ACIN1: variants seen among roughly 807,000 people sequenced by gnomAD.
The protein encoded by ACIN1 is apoptotic chromatin condensation inducer 1.
ACIN1 carries 16 observed loss-of-function variants against 146.6 expected under a neutral mutation model. The ratio of observed to expected loss-of-function variants is 0.11; its 90% CI spans 0.07 to 0.17. The LOEUF is 0.17. Ranked by LOEUF, ACIN1 falls within the 10% of genes least tolerant of loss-of-function variation. The probability of loss-of-function intolerance (pLI) is 1.00; values close to 1 mark genes in which losing one functional copy is unlikely to be tolerated. For missense variants in ACIN1, 1,357 were observed against 1,609.3 expected (o/e 0.84, Z 2.68); for synonymous variants, 569 against 582.7 (o/e 0.98, Z 0.34).
At chr14:23,070,500 C>T (rs1295342302) in intron 8 of ACIN1, among the ~76,000 whole-genome samples, 1 of 151,960 alleles carries the variant, frequency 6.6e-6, no homozygotes. Flanking sequence ...AACACCAAAC[C>T]CACTCTCCCA....
In ACIN1 at chr14:23,068,932, G is replaced by T; in HGVS notation, c.2265+544C>A. 2.0e-6 allele frequency: 2 copies of T among 985,520 alleles called. No homozygotes were observed. Among genetic ancestry groups the T allele is most frequent in the Admixed American group, 6.1e-5 (1 of 16,288 alleles). The allele number at this position is 985,520 out of a possible 1,614,324, so 61.0% of individuals were successfully genotyped here. A position where few individuals can be genotyped will look rare whatever the true frequency, so the allele number is the denominator to read the frequency against. On this transcript the variant is annotated intron_variant, in intron 9 of 18. Transcript: ENST00000605057. This position sits in a 1 kb window ranked among gnomAD's most constrained non-coding sequence, Gnocchi z 4.3. ...ACACAAGATAACATATGCCAAAAAA[G>T]GAGGTAGAGGGGTCACAGGTAACTG...
chr14:23,095,410 T>C (rs2140271076), upstream of ACIN1: 1 of 1,257,676 alleles, frequency 8.0e-7, no homozygotes, highest in Non-Finnish European at 1.1e-6. Flanking sequence ...TCGACCCTGG[T>C]ATAACCATAA....
At chr14:23,095,153 A>G (rs1249884720), upstream of ACIN1, 1 of 1,614,038 alleles carries the variant, frequency 6.2e-7, no homozygotes, top group Non-Finnish European at 8.5e-7. Context: ...GGCTTCGGGC[A>G]TCTTCGGTAA....
intron 8 of ACIN1, among the ~76,000 whole-genome samples, chr14:23,077,429 G>A (rs2047829619): frequency 6.6e-6 from 1 of 152,120 alleles, no homozygotes; most frequent in Non-Finnish European, 1.5e-5. Context: ...AGACTTTGAA[G>A]CCAGGAATTC....
chr14:23,094,564 T>C (rs1015121350), intron 1 of ACIN1: 10 of 983,960 alleles, frequency 1.0e-5, no homozygotes, highest in African/African-American at 1.8e-5. Flanking sequence ...ACCAACCCCA[T>C]CCACCCCTTC....
chr14:23,092,864 C>A (rs574059747), intron 2 of ACIN1, among the ~76,000 whole-genome samples: 1 of 152,150 alleles, frequency 6.6e-6, no homozygotes, highest in Non-Finnish European at 1.5e-5. Context: ...CAAAGCAGCT[C>A]CACAAAACCC....
intron 8 of ACIN1, among the ~76,000 whole-genome samples, chr14:23,075,613 T>TTC (rs1484046064): frequency 6.6e-6 from 1 of 151,860 alleles, no homozygotes; most frequent in East Asian, 1.9e-4. Context: ...TAATTTTTTT[T>TTC]TTTTTTAACA....
In ACIN1 at chr14:23,067,671, A is replaced by G. The variant is rs1189882277; in HGVS notation, c.2266-1663T>C. ...GTCCCTGATGAGATGGCCTGTGAGT[A>G]GCAGGAATGATCCTTGCCTTTTATC... On this transcript the variant is annotated intron_variant, in intron 9 of 18. Coordinates refer to ENST00000605057, the MANE Select transcript of ACIN1 (RefSeq NM_001386863.1). This position sits in a 1 kb window ranked among gnomAD's most constrained non-coding sequence, Gnocchi z 4.6. 2.0e-6 allele frequency: 2 copies of G among 985,818 alleles called. No individual in the cohort carries two copies. The highest frequency in any genetic ancestry group is 2.4e-6 in the Non-Finnish European group (2 of 829,992). 61.1% of individuals were successfully genotyped at this position (985,818 alleles called of 1,614,324 possible).
At position 23,089,534 on chromosome 14, in the gene ACIN1, C is replaced by T. The variant is rs539026052; in HGVS notation, c.436+448G>A. Among the ~76,000 whole-genome samples, 6 of 152,308 alleles carry T rather than the reference C, an allele frequency of 3.9e-5. No homozygotes were observed. The East Asian group carries it at 7.7e-4, about 20-fold the overall frequency. ...CCTCACTAGACTAAGTTTCTTGGGG[C>T]TGAGACTTGTTTCTTTCTTTACTAT... On this transcript the variant is annotated intron_variant, in intron 4 of 18. Transcript: ENST00000605057.
intron 8 of ACIN1, among the ~76,000 whole-genome samples, chr14:23,070,667 A>C (rs1236770287): frequency 6.6e-6 from 1 of 152,190 alleles, no homozygotes; most frequent in East Asian, 1.9e-4. Context: ...AAAAAAATCA[A>C]ATCAAGATGA....
At chr14:23,093,589 A>C in intron 1 of ACIN1, 45 bp from the exon 2 acceptor site, 1 of 1,535,490 alleles carries the variant, frequency 6.5e-7, no homozygotes, top group Non-Finnish European at 9.0e-7. Context: ...AGGAAAAAAA[A>C]GAAAAACAAA....
chr14:23,069,354 A>C (rs1379858757), intron 9 of ACIN1, 122 bp downstream of exon 9: 2 of 1,470,564 alleles, frequency 1.4e-6, no homozygotes, highest in Non-Finnish European at 9.0e-7. Context: ...TTCTGATCCA[A>C]GTCCCTGCCT....
chr14:23,073,551 G>C (rs1005850077), intron 8 of ACIN1, among the ~76,000 whole-genome samples: 1 of 152,078 alleles, frequency 6.6e-6, no homozygotes, highest in African/African-American at 2.4e-5. Flanking sequence ...CCAGCTACTC[G>C]GGAGGCTGAG....
Position 23,079,658 on chromosome 14 carries a change from T to C in ACIN1, c.1677A>G (p.Ala559=), listed in dbSNP as rs1735260927. ...LRSKQRDVAQ[A]RTHANPRGRP... Reference sequence around the variant, plus strand: ...TACCACGAGGGTTGGCATGAGTACGTGCCTGGGCTACATCTCTCTGCTTGG... The same window carrying C: ...TACCACGAGGGTTGGCATGAGTACGCGCCTGGGCTACATCTCTCTGCTTGG... The change falls in exon 6 of 19, where the codon GCA becomes GCG. Residue 559 remains alanine (A), a synonymous_variant. Transcript: ENST00000605057. 3 of 1,614,026 alleles carry C rather than the reference T, an allele frequency of 1.9e-6. No homozygotes were observed. Among genetic ancestry groups the C allele is most frequent in the Non-Finnish European group, 2.5e-6 (3 of 1,180,002 alleles).
At chr14:23,084,701 A>G (rs1203160962) in intron 4 of ACIN1, among the ~76,000 whole-genome samples, 1 of 152,102 alleles carries the variant, frequency 6.6e-6, no homozygotes, top group Non-Finnish European at 1.5e-5. Flanking sequence ...CTTCATGATC[A>G]TTTGATTAAA....
rs117016377 is a variant in ACIN1, at chr14:23,094,314, G to A, written c.138+661C>T. Among the ~76,000 whole-genome samples, 1,127 of 152,094 alleles carry A rather than the reference G, an allele frequency of 7.4e-3. 1 individual carries two copies. The highest frequency in any genetic ancestry group is 0.011 in the Non-Finnish European group (754 of 67,986). On this transcript the variant is annotated intron_variant, in intron 1 of 18. Transcript: ENST00000605057. Reference sequence around the variant, plus strand: ...TTGAATCGAGCTACACCTACCTCATGACAATCCCACCTTAATCTACTCAAA... The same window carrying A: ...TTGAATCGAGCTACACCTACCTCATAACAATCCCACCTTAATCTACTCAAA...
intron 4 of ACIN1, among the ~76,000 whole-genome samples, chr14:23,083,344 T>C (rs2047999206): frequency 6.6e-6 from 1 of 152,028 alleles, no homozygotes; most frequent in African/African-American, 2.4e-5. Context: ...GTGCTGAGAT[T>C]AAGGTATAAA....
rs753226844 is a variant in ACIN1 at position 23,090,049 on chromosome 14, G to A, written c.369C>T (p.Ser123=). Residue 123 remains serine (S), a synonymous_variant, in exon 4 of 19, where the codon TCC becomes TCT. Coordinates refer to ENST00000605057, the MANE Select transcript of ACIN1 (RefSeq NM_001386863.1). ...TGCTCTGAAAGTCAGGAGGCAGCAG[G>A]GAAGCCACTCCCTCAGGATGGATCA... The part of the protein sequence containing the change: ...DEMIHPEGVA[S]LLPPDFQSSL... 5 of 1,613,662 alleles carry A rather than the reference G, an allele frequency of 3.1e-6. No homozygotes were observed. Among genetic ancestry groups the A allele is most frequent in the Non-Finnish European group, 4.2e-6 (5 of 1,179,886 alleles).
rs1472798341 is a variant in ACIN1 at position 23,080,495 on chromosome 14, C to T, written c.840G>A (p.Gly280=). 6.2e-7 allele frequency: 1 copy of T among 1,614,082 alleles called. No individual in the cohort carries two copies. Among genetic ancestry groups the T allele is most frequent in the Non-Finnish European group, 8.5e-7 (1 of 1,179,992 alleles). ...CCTCTTCCTGGGATCTTGTAAATCT[C>T]CCTCCTCTCTCTAACACCTCCTGTT... ...SQEQEVLERG[G]RFTRSQEEAR... is the part of the protein sequence containing the mutation. The change falls in exon 6 of 19, where the codon GGG becomes GGA. Residue 280 remains glycine, a synonymous_variant. Transcript: ENST00000605057.
Sources: gnomAD v4.1 joint callset for allele counts (sites outside exome capture counted in the v4.1 genomes callset) on GRCh38, gnomAD v4.1.1 for gene constraint, Gnocchi (gnomAD v3.1) non-coding constraint, MANE v1.5 for transcripts, NCBI Gene and HGNC (gene_info 2026-07-23, HGNC 2026-07-21) for gene names.